The following DGKB variants were observed in gnomAD, a reference collection of about 807,000 sequenced individuals.
DGKB encodes the protein diacylglycerol kinase beta, also known as 90 kDa diacylglycerol kinase.
A neutral mutation model predicts 114.3 loss-of-function variants in DGKB; 67 were observed. The observed-to-expected ratio is 0.59, with a 90% CI of 0.48 to 0.72. DGKB has a LOEUF of 0.72. Among genes scored for constraint, DGKB ranks in the 30% least tolerant of loss-of-function variants. The probability of loss-of-function intolerance (pLI) is 0.00; values close to 1 mark genes in which losing one functional copy is unlikely to be tolerated. For synonymous variants in DGKB, 398 were observed against 323.1 expected, an observed-to-expected ratio of 1.23 and a Z score of -2.49; for missense variants, 907 against 975.2, an observed-to-expected ratio of 0.93 and a Z score of 0.93.
intron 25 of DGKB, among the ~76,000 whole-genome samples, chr7:14,163,710 T>G (rs1355231177): frequency 2.6e-5 from 4 of 152,068 alleles, no homozygotes; most frequent in African/African-American, 9.7e-5. Flanking sequence ...AATAACAAAC[T>G]GGCCAGGCAC....
intron 6 of DGKB, among the ~76,000 whole-genome samples, chr7:14,704,379 C>T (rs1483525752): frequency 2.8e-5 from 4 of 143,204 alleles, no homozygotes; most frequent in African/African-American, 7.9e-5. Context: ...ACCAGGGAGG[C>T]GGAGCTTGCA....
At chr7:14,516,497 C>T (rs1437993740) in intron 20 of DGKB, among the ~76,000 whole-genome samples, 1 of 152,166 alleles carries the variant, frequency 6.6e-6, no homozygotes, top group Non-Finnish European at 1.5e-5. Flanking sequence ...GTGAAGAAAG[C>T]TGTGTGGTTC....
At chr7:14,555,216 C>T (rs554756011) in intron 20 of DGKB, among the ~76,000 whole-genome samples, 1 of 152,176 alleles carries the variant, frequency 6.6e-6, no homozygotes, top group African/African-American at 2.4e-5. Context: ...CATTTTATCC[C>T]TCTCCAATGA....
chr7:14,383,592 T>C (rs1437459268), intron 21 of DGKB, among the ~76,000 whole-genome samples: 1 of 152,130 alleles, frequency 6.6e-6, no homozygotes, highest in Non-Finnish European at 1.5e-5. Context: ...TGATCCAAAG[T>C]GGGTTCTTTT....
At chr7:14,760,361 G>A (rs950076840) in intron 2 of DGKB, among the ~76,000 whole-genome samples, 13 of 151,946 alleles carry the variant, frequency 8.6e-5, no homozygotes, top group African/African-American at 2.9e-4. Context: ...AATAAATATT[G>A]AGATTAAATT....
chr7:14,855,050 T>G (rs1168127010), intron 1 of DGKB, among the ~76,000 whole-genome samples: 2 of 152,200 alleles, frequency 1.3e-5, no homozygotes, highest in Non-Finnish European at 2.9e-5. Context: ...AAGGCTCTAA[T>G]GTAGGTTTCT....
intron 23 of DGKB, among the ~76,000 whole-genome samples, chr7:14,263,254 A>G (rs1797028304): frequency 6.6e-6 from 1 of 152,156 alleles, no homozygotes; most frequent in Admixed American, 6.5e-5. Context: ...TACGATTGTC[A>G]TCACCTTTTT....
chr7:14,604,942 C>T (rs1007800711), intron 17 of DGKB, among the ~76,000 whole-genome samples: 1 of 152,080 alleles, frequency 6.6e-6, no homozygotes, highest in African/African-American at 2.4e-5. Context: ...AGGACATTCT[C>T]ATGTTGATCA....
At chr7:14,961,169 AT>A (rs1562905921) in intron 1 of DGKB, among the ~76,000 whole-genome samples, 1 of 151,994 alleles carries the variant, frequency 6.6e-6, no homozygotes. Context: ...TTTTTCCTGA[AT>A]TTTTAACATA....
At chr7:14,308,279 A>G (rs928892843) in intron 23 of DGKB, among the ~76,000 whole-genome samples, 3 of 152,086 alleles carry the variant, frequency 2.0e-5, no homozygotes, top group Admixed American at 1.3e-4. Flanking sequence ...TAATACCCCT[A>G]AATTTGGACA....
At chr7:14,634,261 G>C (rs549786697) in intron 13 of DGKB, among the ~76,000 whole-genome samples, 2 of 151,430 alleles carry the variant, frequency 1.3e-5, no homozygotes, top group East Asian at 3.9e-4. Flanking sequence ...GAAAATCAGA[G>C]AGCTTAGATG....
At chr7:14,836,635 A>T (rs1847206652) in intron 2 of DGKB, among the ~76,000 whole-genome samples, 1 of 152,186 alleles carries the variant, frequency 6.6e-6, no homozygotes, top group Non-Finnish European at 1.5e-5. Context: ...CTATAACAAC[A>T]GTTTGGATGA....
chr7:14,927,171 T>G (rs547728509), intron 1 of DGKB, among the ~76,000 whole-genome samples: 2 of 151,960 alleles, frequency 1.3e-5, no homozygotes, highest in Non-Finnish European at 2.9e-5. Context: ...TCTATATAAA[T>G]GATGATTTAG....
At chr7:14,562,023 C>T (rs1003371956) in intron 20 of DGKB, among the ~76,000 whole-genome samples, 5 of 152,178 alleles carry the variant, frequency 3.3e-5, no homozygotes, top group Admixed American at 6.5e-5. Flanking sequence ...GGGCCCCCCT[C>T]ATGTGTGCAG....
chr7:14,741,816 A>T (rs1457291297), intron 4 of DGKB, among the ~76,000 whole-genome samples: 1 of 152,200 alleles, frequency 6.6e-6, no homozygotes, highest in Non-Finnish European at 1.5e-5. Context: ...CAGAAATATG[A>T]GTCATCTGGC....
At chr7:14,368,278 T>A (rs1817035675) in intron 21 of DGKB, among the ~76,000 whole-genome samples, 1 of 152,148 alleles carries the variant, frequency 6.6e-6, no homozygotes, top group African/African-American at 2.4e-5. Flanking sequence ...TGTTATACAT[T>A]CTGTGGGTTT....
chr7:14,680,679 C>G (rs1037197922), intron 12 of DGKB, among the ~76,000 whole-genome samples: 22 of 151,892 alleles, frequency 1.4e-4, no homozygotes, highest in Admixed American at 9.2e-4. Flanking sequence ...AGACCACTAG[C>G]AATGGTAACT....
At chr7:14,709,815 G>C (rs986196595) in intron 6 of DGKB, among the ~76,000 whole-genome samples, 2 of 125,694 alleles carry the variant, frequency 1.6e-5, no homozygotes, top group African/African-American at 6.0e-5. Context: ...GGGGACTGTG[G>C]TGGGGTGGGG....
At chr7:14,753,083 A>T (rs1476045990) in intron 4 of DGKB, among the ~76,000 whole-genome samples, 1 of 152,216 alleles carries the variant, frequency 6.6e-6, no homozygotes, top group Non-Finnish European at 1.5e-5. Context: ...ATCTAAGTCC[A>T]CCAGTATCAT....
Sources: gnomAD v4.1 joint callset for allele counts (sites outside exome capture counted in the v4.1 genomes callset) on GRCh38, gnomAD v4.1.1 for gene constraint, MANE v1.5 for transcripts, NCBI Gene and HGNC (gene_info 2026-07-23, HGNC 2026-07-21) for gene names.